The following DLGAP1 variants were observed in gnomAD, a reference collection of about 807,000 sequenced individuals.
DLGAP1 encodes the protein DLG associated protein 1, also known as disks large-associated protein 1.
Under a neutral mutation model 90.8 loss-of-function variants are expected in DLGAP1, and 11 were observed. That is an observed-to-expected ratio of 0.12 (90% CI 0.08 to 0.20). The LOEUF (loss-of-function observed/expected upper bound fraction) is 0.20, where lower values mean the gene tolerates loss of function less well. Ranked by LOEUF, DLGAP1 falls within the 10% of genes least tolerant of loss-of-function variation. The pLI is 1.00. For missense variants in DLGAP1, 1,050 were observed against 1,333.8 expected (o/e 0.79, Z 3.31); for synonymous variants, 558 against 540.7 (o/e 1.03, Z -0.44).
In DLGAP1 at chr18:4,210,734, A is replaced by AG. The variant is rs1203782513; in HGVS notation, c.-266-59448_-266-59447insC. On this transcript the variant is annotated intron_variant, in intron 1 of 12. Coordinates refer to ENST00000315677, the MANE Select transcript of DLGAP1 (RefSeq NM_004746.4). ...AGAGAACAGCTATATAAAAACCAAA[A>AG]TTTAGAAGATTCCTGATTCCAATCC... 5.9e-5 allele frequency among the ~76,000 whole-genome samples: 9 copies of AG among 152,290 alleles called. No individual in the cohort carries two copies. In the East Asian group the frequency reaches 1.5e-3, roughly 26 times the overall value.
chr18:4,048,861 T>TA (rs576324714), intron 2 of DLGAP1, among the ~76,000 whole-genome samples: 410 of 152,342 alleles, frequency 2.7e-3, no homozygotes, highest in African/African-American at 9.4e-3. Flanking sequence ...TACTTGTATG[T>TA]ATAGTTCTTT....
At chr18:4,448,470 T>C (rs945857867) in intron 1 of DLGAP1, among the ~76,000 whole-genome samples, 1 of 152,140 alleles carries the variant, frequency 6.6e-6, no homozygotes, top group East Asian at 1.9e-4. Context: ...CCCTTAGGAT[T>C]CATATCATCA....
chr18:4,224,434 T>C (rs914189605), intron 1 of DLGAP1, among the ~76,000 whole-genome samples: 2 of 152,260 alleles, frequency 1.3e-5, no homozygotes, highest in East Asian at 3.9e-4. Flanking sequence ...TTGGACAGCA[T>C]TTCTAGACCT....
At chr18:3,696,939 C>G (rs1439085386) in intron 7 of DLGAP1, among the ~76,000 whole-genome samples, 2 of 152,092 alleles carry the variant, frequency 1.3e-5, no homozygotes, top group African/African-American at 2.4e-5. Context: ...ATGTATGTGT[C>G]TAGGAATTTA....
chr18:3,937,422 A>C (rs915487434), intron 3 of DLGAP1, among the ~76,000 whole-genome samples: 2 of 152,128 alleles, frequency 1.3e-5, no homozygotes, highest in Non-Finnish European at 2.9e-5. Context: ...AAGCCATCAG[A>C]TCTCATGAGA....
In DLGAP1 at chr18:3,543,273, C is replaced by T. The variant is rs543833735; in HGVS notation, c.2058-8658G>A. ...GCAAGCTCCGCCTCCCGCGTTCACG[C>T]CATTCTCCTGCCTCAGCCTCCCCCT... On this transcript the variant is annotated intron_variant, in intron 9 of 12. Transcript: ENST00000315677. 6.6e-5 allele frequency among the ~76,000 whole-genome samples: 10 copies of T among 151,352 alleles called. No individual in the cohort carries two copies. The East Asian group carries it at 2.0e-3, about 30-fold the overall frequency.
intron 7 of DLGAP1, among the ~76,000 whole-genome samples, chr18:3,629,338 G>C (rs2058431678): frequency 6.6e-6 from 1 of 152,046 alleles, no homozygotes; most frequent in Non-Finnish European, 1.5e-5. Flanking sequence ...ACTCCAGCTT[G>C]AGTGACAAAG....
intron 1 of DLGAP1, among the ~76,000 whole-genome samples, chr18:4,296,828 G>A (rs1010399060): frequency 9.2e-5 from 14 of 152,198 alleles, no homozygotes; most frequent in African/African-American, 3.4e-4. Flanking sequence ...GAAAGACAGA[G>A]CGGGTGGCAT....
At chr18:4,147,430 T>C (rs891571349) in intron 2 of DLGAP1, among the ~76,000 whole-genome samples, 2 of 152,146 alleles carry the variant, frequency 1.3e-5, no homozygotes, top group Non-Finnish European at 2.9e-5. Flanking sequence ...GTCTTATATA[T>C]TGAGTATGGG....
At chr18:3,941,457 A>G (rs1016701462) in intron 3 of DLGAP1, among the ~76,000 whole-genome samples, 12 of 152,204 alleles carry the variant, frequency 7.9e-5, no homozygotes, top group Non-Finnish European at 1.6e-4. Flanking sequence ...GCAAAGTTAG[A>G]AGGAGTCTTA....
intron 5 of DLGAP1, among the ~76,000 whole-genome samples, chr18:3,800,612 A>G (rs1285314324): frequency 6.6e-6 from 1 of 152,218 alleles, no homozygotes; most frequent in African/African-American, 2.4e-5. Flanking sequence ...GATTCATAAG[A>G]AACAGAATTC....
intron 4 of DLGAP1, among the ~76,000 whole-genome samples, chr18:3,849,207 T>C (rs187642672): frequency 6.6e-5 from 10 of 152,308 alleles, no homozygotes; most frequent in African/African-American, 2.4e-4. Context: ...TATGCGATTA[T>C]CTAATCTCTT....
At chr18:3,947,676 T>C (rs2072903684) in intron 3 of DLGAP1, among the ~76,000 whole-genome samples, 1 of 152,192 alleles carries the variant, frequency 6.6e-6, no homozygotes, top group South Asian at 2.1e-4. Context: ...TTCACTACCA[T>C]TTGTGAGCTC....
chr18:3,797,116 G>T (rs570482639), intron 5 of DLGAP1, among the ~76,000 whole-genome samples: 1 of 152,228 alleles, frequency 6.6e-6, no homozygotes, highest in South Asian at 2.1e-4. Flanking sequence ...GGTGGATCAC[G>T]AGGTCAGGAG....
intron 3 of DLGAP1, among the ~76,000 whole-genome samples, chr18:3,937,590 T>C (rs2148941139): frequency 6.6e-6 from 1 of 152,330 alleles, no homozygotes; most frequent in Middle Eastern, 3.4e-3. Context: ...ACTTACAGTT[T>C]AGCTACCCAA....
intron 3 of DLGAP1, among the ~76,000 whole-genome samples, chr18:3,921,325 G>C (rs1377903887): frequency 6.6e-6 from 1 of 152,106 alleles, no homozygotes; most frequent in African/African-American, 2.4e-5. Context: ...AAAATAAATG[G>C]GTATGTGTGC....
At chr18:3,534,151 C>G in intron 10 of DLGAP1, 43 bp downstream of exon 10, 1 of 1,578,552 alleles carries the variant, frequency 6.3e-7, no homozygotes, top group Non-Finnish European at 8.6e-7. Context: ...CAAAGCAACC[C>G]CAGCCCCAGG....
intron 1 of DLGAP1, among the ~76,000 whole-genome samples, chr18:4,443,619 G>C (rs1374157509): frequency 6.6e-6 from 1 of 152,202 alleles, no homozygotes; most frequent in Non-Finnish European, 1.5e-5. Flanking sequence ...ACTGTTCAGT[G>C]TCCAAACGTA....
At chr18:3,968,299 C>T (rs1350008024) in intron 3 of DLGAP1, among the ~76,000 whole-genome samples, 1 of 152,094 alleles carries the variant, frequency 6.6e-6, no homozygotes, top group Non-Finnish European at 1.5e-5. Context: ...AGATCTTACC[C>T]CAATTTCACA....
Sources: allele counts gnomAD v4.1 joint callset (sites outside exome capture counted in the v4.1 genomes callset), GRCh38; gene constraint gnomAD v4.1.1; transcripts MANE v1.5; gene names NCBI Gene and HGNC (gene_info 2026-07-23, HGNC 2026-07-21).